ELAPOR2: variants seen among roughly 807,000 people sequenced by gnomAD.
The protein encoded by ELAPOR2 is endosome/lysosome-associated apoptosis and autophagy regulator family member 2.
ELAPOR2 carries 89 observed loss-of-function variants against 120.7 expected under a neutral mutation model. That is an observed-to-expected ratio of 0.74 (90% confidence interval 0.62 to 0.88). The LOEUF (loss-of-function observed/expected upper bound fraction) is 0.88. Among genes scored for constraint, ELAPOR2 ranks in the 40% least tolerant of loss-of-function variants. The pLI is 0.00. For synonymous variants in ELAPOR2, 444 were observed against 444.9 expected, an observed-to-expected ratio of 1.00 and a Z score of 0.03; for missense variants, 1,134 against 1,251.6, an observed-to-expected ratio of 0.91 and a Z score of 1.42.
At chr7:86,981,847 G>A (rs1379523589) in intron 1 of ELAPOR2, among the ~76,000 whole-genome samples, 2 of 152,228 alleles carry the variant, frequency 1.3e-5, no homozygotes, top group Non-Finnish European at 2.9e-5. Flanking sequence ...AGCCAAAACA[G>A]AGTGGGGTAT....
chr7:86,903,159 T>C (rs962772159), intron 18 of ELAPOR2, among the ~76,000 whole-genome samples: 3 of 152,192 alleles, frequency 2.0e-5, no homozygotes. Flanking sequence ...ATCATCCTTA[T>C]CTCAAAATTG....
At chr7:87,005,141 A>C (rs776820792) in intron 1 of ELAPOR2, among the ~76,000 whole-genome samples, 5 of 152,166 alleles carry the variant, frequency 3.3e-5, no homozygotes, top group Non-Finnish European at 5.9e-5. Context: ...AATTGTCATT[A>C]ATCCTTATGG....
At chr7:86,965,957 G>T (rs1583919027) in intron 1 of ELAPOR2, 2 of 985,304 alleles carry the variant, frequency 2.0e-6, no homozygotes, top group Non-Finnish European at 2.4e-6. Flanking sequence ...CATTGTCTTT[G>T]ACCTTCTCTG....
chr7:86,953,367 G>A (rs1418133997), intron 2 of ELAPOR2, among the ~76,000 whole-genome samples: 1 of 152,080 alleles, frequency 6.6e-6, no homozygotes, highest in African/African-American at 2.4e-5. Context: ...ACACTTTCTT[G>A]GTAAACACTG....
chr7:86,963,280 A>T (rs1239052292), intron 2 of ELAPOR2, among the ~76,000 whole-genome samples: 1 of 152,244 alleles, frequency 6.6e-6, no homozygotes, highest in African/African-American at 2.4e-5. Context: ...ATAGTATATA[A>T]TGAGCAAAAA....
chr7:86,964,888 A>C lies in ELAPOR2; in HGVS notation c.310+16T>G, dbSNP rs776754962. On this transcript the variant is annotated intron_variant, in intron 2 of 21. Coordinates refer to ENST00000450689, the MANE Select transcript of ELAPOR2 (RefSeq NM_001142749.3). ...GTTTAATCAAGAAAACAAATGGTCA[A>C]AATGACAAAACATACTGCATTCTTT... 3 of 1,551,208 alleles carry C rather than the reference A, an allele frequency of 1.9e-6. No homozygotes were observed. The highest frequency in any genetic ancestry group is 2.6e-6 in the Non-Finnish European group (3 of 1,146,744).
At chr7:86,898,985 C>G (rs1224840554) in intron 18 of ELAPOR2, among the ~76,000 whole-genome samples, 1 of 152,086 alleles carries the variant, frequency 6.6e-6, no homozygotes, top group Non-Finnish European at 1.5e-5. Flanking sequence ...TGAAGTGATG[C>G]AAATAGCGTT....
At chr7:87,039,913 G>A (rs996258687) in intron 1 of ELAPOR2, among the ~76,000 whole-genome samples, 5 of 152,050 alleles carry the variant, frequency 3.3e-5, no homozygotes, top group African/African-American at 7.2e-5. Context: ...GTGGGTGCGC[G>A]CACCGTGCAC....
chr7:86,891,847 T>A lies in ELAPOR2; in HGVS notation c.2907A>T (p.Ser969=). The A allele has an allele frequency of 6.2e-7, 1 of 1,611,100 alleles. No individual in the cohort carries two copies. Among genetic ancestry groups the A allele is most frequent in the Non-Finnish European group, 8.5e-7 (1 of 1,178,262 alleles). ...KYSKLVMTTN[S]KECELPAADS... ...CTGCAGCCGGGAGTTCACACTCTTT[T>A]GAGTTAGTCGTCATTACTAACTTGG... Residue 969 remains serine, a synonymous_variant, in exon 21 of 22, where the codon TCA becomes TCT. Coordinates refer to ENST00000450689, the MANE Select transcript of ELAPOR2 (RefSeq NM_001142749.3).
Position 86,897,635 on chromosome 7 carries a change from A to T in ELAPOR2, c.2559-3T>A. 1.9e-6 allele frequency: 3 copies of T among 1,612,822 alleles called. No individual in the cohort carries two copies. The South Asian group carries it at 3.3e-5, about 18-fold the overall frequency. ...CACAGGTACCTGCTGGGCACTTGCTAAAATCATAAACAAAACCAAAAACAC... is the reference window on the plus strand; with the variant it reads ...CACAGGTACCTGCTGGGCACTTGCTTAAATCATAAACAAAACCAAAAACAC... On this transcript the variant is annotated splice_region_variant and splice_polypyrimidine_tract_variant and intron_variant, in intron 18 of 21. Coordinates refer to ENST00000450689, the MANE Select transcript of ELAPOR2 (RefSeq NM_001142749.3).
At chr7:87,014,521 T>C (rs1404657679) in intron 1 of ELAPOR2, among the ~76,000 whole-genome samples, 1 of 152,136 alleles carries the variant, frequency 6.6e-6, no homozygotes, top group African/African-American at 2.4e-5. Flanking sequence ...ACACACAGAA[T>C]TTCAAGAACA....
chr7:87,020,398 A>T (rs1794000183), intron 1 of ELAPOR2, among the ~76,000 whole-genome samples: 1 of 152,192 alleles, frequency 6.6e-6, no homozygotes, highest in Admixed American at 6.5e-5. Context: ...GGATGAATGT[A>T]AAACAAAGTG....
At chr7:86,897,794 G>C (rs1167548062) in intron 18 of ELAPOR2, among the ~76,000 whole-genome samples, 162 bp from the exon 19 acceptor site, 1 of 152,142 alleles carries the variant, frequency 6.6e-6, no homozygotes, top group Non-Finnish European at 1.5e-5. Flanking sequence ...ACCACTATGA[G>C]ATAACAGTTT....
chr7:86,936,872 T>G (rs140212337), intron 8 of ELAPOR2, among the ~76,000 whole-genome samples: 17 of 152,178 alleles, frequency 1.1e-4, no homozygotes, highest in Non-Finnish European at 2.1e-4. Flanking sequence ...TAAGACGAGA[T>G]CCTATTTTAC....
intron 1 of ELAPOR2, among the ~76,000 whole-genome samples, chr7:87,057,466 C>T (rs1490854649): frequency 1.3e-5 from 2 of 152,208 alleles, no homozygotes; most frequent in African/African-American, 4.8e-5. Flanking sequence ...TGTGCATTAA[C>T]ATTTATAAAA....
At chr7:87,025,985 C>A (rs929451788) in intron 1 of ELAPOR2, among the ~76,000 whole-genome samples, 3 of 152,116 alleles carry the variant, frequency 2.0e-5, no homozygotes, top group Non-Finnish European at 4.4e-5. Context: ...CAAACATATT[C>A]TCCTGTTGTA....
intron 2 of ELAPOR2, among the ~76,000 whole-genome samples, chr7:86,950,231 C>T (rs778755495): frequency 3.4e-4 from 52 of 152,250 alleles, no homozygotes; most frequent in Non-Finnish European, 6.0e-4. Context: ...CTCCTCTTCA[C>T]CTTGCTCACC....
chr7:87,051,011 A>C (rs1050740700), intron 1 of ELAPOR2, among the ~76,000 whole-genome samples: 1 of 152,228 alleles, frequency 6.6e-6, no homozygotes, highest in African/African-American at 2.4e-5. Flanking sequence ...GTCAGATTTA[A>C]GGTACTTATA....
Position 86,925,645 on chromosome 7 carries a change from A to G in ELAPOR2, c.1282T>C (p.Cys428Arg), listed in dbSNP as rs1373346139. Residue 428 changes from cysteine (C) to arginine (R), a missense_variant, in exon 10 of 22, where the codon TGT (cysteine) becomes CGT (arginine). By Grantham distance (180) the Cys-to-Arg change is radical. This residue lies in a region of ELAPOR2 where 831 missense variants were observed against 867.6 expected (regional missense o/e 0.96). Transcript: ENST00000450689. Reference protein sequence around the residue: ...FSDGTKECRPCPAGTEPALGF... With the variant: ...FSDGTKECRPRPAGTEPALGF... The stretch of plus-strand genomic sequence containing the variant: ...AGTGCAGGCTCCGTTCCTGCTGGAC[A>G]TGGTCTACATTCTACAGGAGACAAG... 6.2e-7 allele frequency: 1 copy of G among 1,611,656 alleles called. No homozygotes were observed. Among genetic ancestry groups the G allele is most frequent in the East Asian group, 2.2e-5 (1 of 44,796 alleles).
Sources: gnomAD v4.1 joint callset for allele counts (sites outside exome capture counted in the v4.1 genomes callset) on GRCh38, gnomAD v4.1.1 for gene constraint, gnomAD v4.1.1 regional missense constraint, MANE v1.5 for transcripts, NCBI Gene and HGNC (gene_info 2026-07-23, HGNC 2026-07-21) for gene names.